The following IMMP2L variants were observed in gnomAD, a reference collection of about 807,000 sequenced individuals.
IMMP2L encodes mitochondrial inner membrane protease subunit 2.
In IMMP2L, 18 loss-of-function variants were observed where a neutral mutation model predicts 19.3. The observed-to-expected ratio is 0.93, with a 90% CI of 0.64 to 1.38. The LOEUF is 1.38. IMMP2L is among the 40% of genes most tolerant of loss of function. The probability of loss-of-function intolerance (pLI) is 0.00; values close to 1 mark genes in which losing one functional copy is unlikely to be tolerated. For synonymous variants in IMMP2L, 76 were observed against 73.0 expected (o/e 1.04, Z -0.21); for missense variants, 233 against 218.2 (o/e 1.07, Z -0.43).
intron 2 of IMMP2L, among the ~76,000 whole-genome samples, chr7:111,508,228 CTAAA>C (rs956779318): frequency 1.1e-4 from 16 of 151,322 alleles, no homozygotes; most frequent in East Asian, 1.9e-4. Context: ...TTAAAGATAA[CTAAA>C]TAGTCTTAAA....
chr7:110,938,124 C>T (rs886164861), intron 4 of IMMP2L, among the ~76,000 whole-genome samples: 3 of 152,056 alleles, frequency 2.0e-5, no homozygotes, highest in Non-Finnish European at 4.4e-5. Context: ...TCCCAATTTT[C>T]GTGTTATCGT....
chr7:111,036,603 A>G (rs1293623352), intron 3 of IMMP2L, among the ~76,000 whole-genome samples: 1 of 152,176 alleles, frequency 6.6e-6, no homozygotes, highest in African/African-American at 2.4e-5. Context: ...TTTAGCCAAA[A>G]AAAAGTCTCA....
rs976582531 is a variant in IMMP2L, at chr7:111,522,983, C to T, written c.-2-1534G>A. ...AATGAAATCCTGCCATCTGGTACAACATGGAAAAACCTGGAGGACATTAAG... is the reference window on the plus strand; with the variant it reads ...AATGAAATCCTGCCATCTGGTACAATATGGAAAAACCTGGAGGACATTAAG... On this transcript the variant is annotated intron_variant, in intron 1 of 5. Coordinates refer to ENST00000405709, the MANE Select transcript of IMMP2L (RefSeq NM_032549.4). Among the ~76,000 whole-genome samples the T allele has an allele frequency of 2.1e-5, 3 of 143,248 alleles. No individual in the cohort carries two copies. The East Asian group carries it at 5.8e-4, about 28-fold the overall frequency. The allele number at this position is 143,248 out of a possible 152,430, so 94.0% of individuals were successfully genotyped here.
chr7:110,823,353 T>G (rs548552151), intron 5 of IMMP2L, among the ~76,000 whole-genome samples: 5 of 152,042 alleles, frequency 3.3e-5, no homozygotes, highest in Admixed American at 1.3e-4. Flanking sequence ...TGTCTGTATA[T>G]GTTGATGTGA....
rs1322509031 is a variant in IMMP2L, at chr7:110,757,411, C to T, written c.409-93690G>A. 2.0e-5 allele frequency among the ~76,000 whole-genome samples: 3 copies of T among 152,014 alleles called. No individual in the cohort carries two copies. The highest frequency in any genetic ancestry group is 4.1e-4 in the South Asian group (2 of 4,830). The stretch of plus-strand genomic sequence containing the variant: ...TGGTTGTAATTTTAAATACGGTGGG[C>T]GAGGGAGGCCTGTATGTGATGTCTT... On this transcript the variant is annotated intron_variant, in intron 5 of 5. Coordinates refer to ENST00000405709, the MANE Select transcript of IMMP2L (RefSeq NM_032549.4). This position sits in a 1 kb window ranked among gnomAD's most constrained non-coding sequence, Gnocchi z 4.2.
At chr7:111,025,667 A>T (rs888780870) in intron 3 of IMMP2L, among the ~76,000 whole-genome samples, 4 of 152,132 alleles carry the variant, frequency 2.6e-5, no homozygotes, top group Admixed American at 2.6e-4. Flanking sequence ...TGGGAGGGTG[A>T]TATGAGTTTC....
At chr7:111,028,439 G>A (rs954804603) in intron 3 of IMMP2L, among the ~76,000 whole-genome samples, 7 of 151,892 alleles carry the variant, frequency 4.6e-5, no homozygotes, top group African/African-American at 1.7e-4. Context: ...ATCAGCATAG[G>A]GAAATCTCAT....
At chr7:110,968,814 G>C (rs147460644) in intron 3 of IMMP2L, among the ~76,000 whole-genome samples, 16 of 152,134 alleles carry the variant, frequency 1.1e-4, no homozygotes, top group African/African-American at 3.6e-4. Context: ...TAACTAGTGA[G>C]AGAAAACGCA....
chr7:111,271,576 G>A (rs747897157), intron 3 of IMMP2L, among the ~76,000 whole-genome samples: 1 of 152,130 alleles, frequency 6.6e-6, no homozygotes, highest in Non-Finnish European at 1.5e-5. Flanking sequence ...GTAGGTCAAG[G>A]TTGGGGCCTA....
intron 1 of IMMP2L, among the ~76,000 whole-genome samples, chr7:111,544,236 G>T (rs538072431): frequency 6.6e-6 from 1 of 151,738 alleles, no homozygotes; most frequent in Non-Finnish European, 1.5e-5. Context: ...ATCACACACC[G>T]GGGCCTGTCG....
chr7:110,940,936 T>C (rs746399573), intron 4 of IMMP2L, among the ~76,000 whole-genome samples: 10 of 152,200 alleles, frequency 6.6e-5, no homozygotes, highest in Non-Finnish European at 1.2e-4. Flanking sequence ...TTGCTGATAG[T>C]GTGCTGCATG....
intron 1 of IMMP2L, among the ~76,000 whole-genome samples, chr7:111,553,808 C>T (rs971423009): frequency 2.0e-5 from 3 of 152,152 alleles, no homozygotes; most frequent in Admixed American, 6.5e-5. Flanking sequence ...TCTTACAGGA[C>T]AAGGTAGCCA....
In IMMP2L at chr7:110,909,719, C is replaced by A. The variant is rs184554564; in HGVS notation, c.306-23024G>T. On this transcript the variant is annotated intron_variant, in intron 4 of 5. Coordinates refer to ENST00000405709, the MANE Select transcript of IMMP2L (RefSeq NM_032549.4). The stretch of plus-strand genomic sequence containing the variant: ...GAGCACCTCCCTATCCAACAACAAC[C>A]GTCTCCCTCCATTCATCTAGCCGTT... Among the ~76,000 whole-genome samples, 601 of 152,208 alleles carry A rather than the reference C, an allele frequency of 3.9e-3. 2 individuals carry two copies. Among genetic ancestry groups the A allele is most frequent in the Non-Finnish European group, 6.0e-3 (408 of 67,996 alleles).
intron 3 of IMMP2L, among the ~76,000 whole-genome samples, chr7:111,384,215 A>G (rs896883239): frequency 9.7e-6 from 1 of 103,574 alleles, no homozygotes; most frequent in African/African-American, 4.8e-5. Flanking sequence ...GAGAAGAGAG[A>G]GGAGAGAGGA....
chr7:110,828,958 G>A (rs888059285), intron 5 of IMMP2L, among the ~76,000 whole-genome samples: 5 of 152,076 alleles, frequency 3.3e-5, no homozygotes, highest in Admixed American at 6.6e-5. Context: ...CTAAGTCTTC[G>A]TAGCATCTTG....
chr7:111,167,342 C>A (rs927765435), intron 3 of IMMP2L, among the ~76,000 whole-genome samples: 1 of 151,958 alleles, frequency 6.6e-6, no homozygotes, highest in African/African-American at 2.4e-5. Context: ...GCTGACTCCA[C>A]TCATCAACCA....
At chr7:110,771,279 T>C (rs1372332464) in intron 5 of IMMP2L, among the ~76,000 whole-genome samples, 1 of 152,072 alleles carries the variant, frequency 6.6e-6, no homozygotes, top group East Asian at 1.9e-4. Flanking sequence ...TTGATGCTGT[T>C]AGTAAGGGGG....
At chr7:110,817,537 C>T (rs187803247) in intron 5 of IMMP2L, among the ~76,000 whole-genome samples, 1 of 152,138 alleles carries the variant, frequency 6.6e-6, no homozygotes. Flanking sequence ...GCCATACTGC[C>T]CAAGGTAATT....
chr7:111,210,716 A>G (rs1811218646), intron 3 of IMMP2L, among the ~76,000 whole-genome samples: 1 of 152,154 alleles, frequency 6.6e-6, no homozygotes, highest in South Asian at 2.1e-4. Context: ...CAAAAAAAAC[A>G]AAAACTGCTC....
Sources: allele counts gnomAD v4.1 joint callset (sites outside exome capture counted in the v4.1 genomes callset), GRCh38; gene constraint gnomAD v4.1.1; non-coding constraint Gnocchi (gnomAD v3.1); transcripts MANE v1.5; gene names NCBI Gene and HGNC (gene_info 2026-07-23, HGNC 2026-07-21).